Variants in PDZRN3 observed in about 807,000 individuals in gnomAD.
PDZRN3 encodes the protein PDZ domain containing ring finger 3.
PDZRN3 carries 38 observed loss-of-function variants against 85.7 expected under a neutral mutation model. That is an observed-to-expected ratio of 0.44 (90% confidence interval 0.34 to 0.58). PDZRN3 has a LOEUF of 0.58. Ranked by LOEUF, PDZRN3 falls within the 20% of genes least tolerant of loss-of-function variation. PDZRN3 has a pLI of 0.01. For synonymous variants in PDZRN3, 759 were observed against 638.0 expected (o/e 1.19, Z -2.86); for missense variants, 1,629 against 1,506.4 (o/e 1.08, Z -1.35).
chr3:73,501,539 G>A (rs2106686061), intron 3 of PDZRN3, among the ~76,000 whole-genome samples: 1 of 152,254 alleles, frequency 6.6e-6, no homozygotes, highest in South Asian at 2.1e-4. Flanking sequence ...TCTAGCAATG[G>A]CTCATTCAAC....
At chr3:73,589,810 C>T (rs1328188172) in intron 3 of PDZRN3, among the ~76,000 whole-genome samples, 1 of 152,058 alleles carries the variant, frequency 6.6e-6, no homozygotes, top group Non-Finnish European at 1.5e-5. Context: ...GTGACTTACA[C>T]AAAATGAAGG....
chr3:73,572,249 T>C (rs772370707), intron 3 of PDZRN3, among the ~76,000 whole-genome samples: 3 of 152,208 alleles, frequency 2.0e-5, no homozygotes, highest in Admixed American at 1.3e-4. Flanking sequence ...GTCACAAGGA[T>C]TGGTTTTCTT....
intron 3 of PDZRN3, among the ~76,000 whole-genome samples, chr3:73,426,922 C>T (rs1259822480): frequency 2.0e-5 from 3 of 152,088 alleles, no homozygotes; most frequent in African/African-American, 7.2e-5. Context: ...GCTGTCCTTG[C>T]TTCCTACTGC....
chr3:73,388,083 A>AAAC lies in PDZRN3; in HGVS notation c.1417-15_1417-14insGTT. 5.4e-5 allele frequency: 49 copies of AAAC among 908,138 alleles called. No homozygotes were observed. Among genetic ancestry groups the AAAC allele is most frequent in the Non-Finnish European group, 8.2e-5 (48 of 588,898 alleles). The allele number at this position is 908,138 out of a possible 1,614,324, so 56.3% of individuals were successfully genotyped here. A position where few individuals can be genotyped will look rare whatever the true frequency, so the allele number is the denominator to read the frequency against. On this transcript the variant is annotated splice_polypyrimidine_tract_variant and intron_variant, in intron 7 of 9. Transcript: ENST00000263666. ...TATCCCATTAATCTTTTAAAAAAAA[A>AAAC]GGGGGGGTGGGGAGAGTGGGGAGAC...
At chr3:73,547,665 C>A (rs964040455) in intron 3 of PDZRN3, among the ~76,000 whole-genome samples, 5 of 152,202 alleles carry the variant, frequency 3.3e-5, no homozygotes, top group African/African-American at 1.2e-4. Flanking sequence ...TGCTGTGAGC[C>A]CAAACTCACT....
At chr3:73,467,335 ATT>A (rs1156950964) in intron 3 of PDZRN3, among the ~76,000 whole-genome samples, 3 of 152,164 alleles carry the variant, frequency 2.0e-5, no homozygotes, top group African/African-American at 7.2e-5. Flanking sequence ...GGCAAAGCCA[ATT>A]TTTTTGTTTC....
intron 3 of PDZRN3, among the ~76,000 whole-genome samples, chr3:73,428,166 T>C (rs1476281928): frequency 6.6e-6 from 1 of 152,134 alleles, no homozygotes; most frequent in East Asian, 1.9e-4. Context: ...CAGGGCTCTG[T>C]GAGCCACAGT....
chr3:73,604,524 T>C (rs1042305135), intron 2 of PDZRN3, among the ~76,000 whole-genome samples: 37 of 152,158 alleles, frequency 2.4e-4, no homozygotes, highest in African/African-American at 6.8e-4. Flanking sequence ...GTGTGCAATA[T>C]TGTCTCCCAC....
At chr3:73,536,626 A>G (rs1704793516) in intron 3 of PDZRN3, among the ~76,000 whole-genome samples, 1 of 152,260 alleles carries the variant, frequency 6.6e-6, no homozygotes, top group Non-Finnish European at 1.5e-5. Flanking sequence ...AGGCTTCTTT[A>G]AACCAATATA....
At chr3:73,526,770 C>A (rs1173185002) in intron 3 of PDZRN3, among the ~76,000 whole-genome samples, 3 of 152,286 alleles carry the variant, frequency 2.0e-5, no homozygotes, top group Non-Finnish European at 4.4e-5. Flanking sequence ...TCACTGCAAC[C>A]TCCACTGCCT....
intron 7 of PDZRN3, 71 bp downstream of exon 7, chr3:73,389,745 C>T (rs1249622023): frequency 9.0e-7 from 1 of 1,110,358 alleles, no homozygotes; most frequent in Non-Finnish European, 1.4e-6. Flanking sequence ...CAACCCTAGA[C>T]CTATCATTAG....
chr3:73,405,622 C>T (rs1266772765), intron 3 of PDZRN3, among the ~76,000 whole-genome samples: 3 of 152,168 alleles, frequency 2.0e-5, no homozygotes, highest in Admixed American at 2.0e-4. Flanking sequence ...AGAACACTGA[C>T]CCATTCAAGT....
intron 3 of PDZRN3, among the ~76,000 whole-genome samples, chr3:73,601,563 T>TA (rs1156842553): frequency 2.0e-5 from 3 of 152,160 alleles, no homozygotes; most frequent in Non-Finnish European, 2.9e-5. Flanking sequence ...TCCAAAGAGC[T>TA]ATGAAAATGG....
chr3:73,573,853 G>A (rs1702080306), intron 3 of PDZRN3, among the ~76,000 whole-genome samples: 1 of 144,216 alleles, frequency 6.9e-6, no homozygotes, highest in East Asian at 2.1e-4. Context: ...ATACATATAC[G>A]GTCCTTACCA....
intron 1 of PDZRN3, among the ~76,000 whole-genome samples, chr3:73,619,683 G>A (rs903495528): frequency 6.6e-6 from 1 of 152,186 alleles, no homozygotes; most frequent in Non-Finnish European, 1.5e-5. Flanking sequence ...AGAGACATGA[G>A]AAGCTGAAAG....
chr3:73,472,838 AAT>A (rs1435319357), intron 3 of PDZRN3, among the ~76,000 whole-genome samples: 1 of 152,252 alleles, frequency 6.6e-6, no homozygotes, highest in Non-Finnish European at 1.5e-5. Context: ...CCAAAAGTTT[AAT>A]ATGTGTGCTT....
intron 3 of PDZRN3, chr3:73,433,586 C>T (rs1702474403): frequency 8.2e-7 from 1 of 1,224,364 alleles, no homozygotes; most frequent in Non-Finnish European, 1.2e-6. Flanking sequence ...AGAAGTTACA[C>T]TTGGCCAGGT....
rs755495374 is a variant in PDZRN3 at position 73,384,729 on chromosome 3, A to G, written c.1837T>C (p.Leu613=). The G allele has an allele frequency of 2.5e-6, 4 of 1,613,892 alleles. No individual in the cohort carries two copies. The African/African-American group carries it at 4.0e-5, about 16-fold the overall frequency. ...QRKLTCSQDT[L]GSGDLPFSNE... ...CTGAAGGGCAGGTCGCCGCTGCCCA[A>G]GGTGTCCTGGCTGCAGGTGAGCTTC... The change falls in exon 10 of 10, where the codon TTG becomes CTG. Residue 613 remains leucine (L), a synonymous_variant. Transcript: ENST00000263666.
intron 3 of PDZRN3, among the ~76,000 whole-genome samples, chr3:73,488,566 A>G (rs1703708940): frequency 6.6e-6 from 1 of 152,146 alleles, no homozygotes; most frequent in Non-Finnish European, 1.5e-5. Flanking sequence ...CCACCTGCCT[A>G]CCATCTCTAC....
Sources: allele counts gnomAD v4.1 joint callset (sites outside exome capture counted in the v4.1 genomes callset), GRCh38; gene constraint gnomAD v4.1.1; transcripts MANE v1.5; gene names NCBI Gene and HGNC (gene_info 2026-07-23, HGNC 2026-07-21).